Variants in PTER observed in about 807,000 individuals in gnomAD.
PTER encodes the protein N-acetyltaurine hydrolase.
PTER carries 38 observed loss-of-function variants against 29.6 expected under a neutral mutation model. The ratio of observed to expected loss-of-function variants is 1.28; its 90% CI spans 0.99 to 1.68. The LOEUF (loss-of-function observed/expected upper bound fraction) is 1.68, where lower values mean the gene tolerates loss of function less well. Ranked by LOEUF, PTER falls within the 40% of genes most tolerant of loss-of-function variation. The pLI, the probability that PTER is intolerant of heterozygous loss-of-function variation, is 0.00. For synonymous variants in PTER, 172 were observed against 154.5 expected, an observed-to-expected ratio of 1.11 and a Z score of -0.84; for missense variants, 482 against 427.8, an observed-to-expected ratio of 1.13 and a Z score of -1.12.
rs1238543579 is a variant in PTER, at chr10:16,486,509, C to T, written c.590C>T (p.Pro197Leu). The T allele has an allele frequency of 2.5e-6, 4 of 1,614,030 alleles. No individual in the cohort carries two copies. Among genetic ancestry groups the T allele is most frequent in the Non-Finnish European group, 3.4e-6 (4 of 1,179,972 alleles). Residue 197 changes from proline to leucine, a missense_variant, in exon 3 of 5, where the codon CCT becomes CTT. By Grantham distance (98) the Pro-to-Leu change is moderately conservative. Transcript: ENST00000535784. ...TAHAQAQLGC[P>L]VIIHPGRSSR... The stretch of plus-strand genomic sequence containing the variant: ...CATGCCCAGGCTCAGCTTGGTTGTC[C>T]TGTTATTATCCATCCTGGACGGAGC...
Position 16,484,794 on chromosome 10 carries a change from C to T in PTER, c.410C>T (p.Thr137Ile). Reference protein sequence around the residue: ...FYVDATHSSETRAMSVEQLTD... With the variant: ...FYVDATHSSEIRAMSVEQLTD... The stretch of plus-strand genomic sequence containing the variant: ...GTGGATGCAACTCACTCCTCAGAGA[C>T]CAGGGCCATGTCAGTGGAGCAGGTA... The change falls in exon 2 of 5, where the codon ACC becomes ATC. Residue 137 changes from threonine (T) to isoleucine (I), a missense_variant. Physicochemically the swap from Thr to Ile is moderately conservative, Grantham distance 89. Coordinates refer to ENST00000535784, the MANE Select transcript of PTER (RefSeq NM_001261836.2). 2 of 1,607,772 alleles carry T rather than the reference C, an allele frequency of 1.2e-6. No homozygotes were observed. Among genetic ancestry groups the T allele is most frequent in the African/African-American group, 2.7e-5 (2 of 74,616 alleles).
At chr10:16,516,162 T>C (rs1588640526), downstream of PTER, among the ~76,000 whole-genome samples, 7 of 152,296 alleles carry the variant, frequency 4.6e-5, no homozygotes, top group South Asian at 1.5e-3. Flanking sequence ...GGATTTAGAA[T>C]TGCTTAACGC....
At chr10:16,514,181 C>T (rs770778745), downstream of PTER, 1 of 399,000 alleles carries the variant, frequency 2.5e-6, no homozygotes, top group East Asian at 3.6e-5. Flanking sequence ...ATAAAAGCAG[C>T]AAGATCACAG....
chr10:16,493,764 G>C (rs1835991556), intron 3 of PTER, among the ~76,000 whole-genome samples: 1 of 151,968 alleles, frequency 6.6e-6, no homozygotes, highest in Admixed American at 6.6e-5. Flanking sequence ...AAAGGAAACA[G>C]AAAGAAATCC....
chr10:16,517,409 G>A (rs987915982), downstream of PTER, among the ~76,000 whole-genome samples: 2 of 152,106 alleles, frequency 1.3e-5, no homozygotes, highest in African/African-American at 4.8e-5. Context: ...GTACCAACTG[G>A]TCTTTAATTA....
chr10:16,475,448 T>C (rs1169884796), intron 1 of PTER, among the ~76,000 whole-genome samples: 2 of 152,170 alleles, frequency 1.3e-5, no homozygotes, highest in East Asian at 3.8e-4. Flanking sequence ...CTCTTCTCCA[T>C]GTAGGAAGGT....
chr10:16,510,952 C>G (rs1836786255), intron 4 of PTER, 94 bp from the exon 5 acceptor site: 1 of 1,033,716 alleles, frequency 9.7e-7, no homozygotes, highest in Non-Finnish European at 1.5e-6. Flanking sequence ...ATCTTTACGA[C>G]AAGCACAATA....
At chr10:16,472,676 C>T (rs891685087) in intron 1 of PTER, among the ~76,000 whole-genome samples, 6 of 152,158 alleles carry the variant, frequency 3.9e-5, no homozygotes, top group African/African-American at 1.4e-4. Flanking sequence ...TTCTCCCCCA[C>T]CATGTTTTGG....
intron 1 of PTER, among the ~76,000 whole-genome samples, chr10:16,469,822 C>T (rs994147810): frequency 6.6e-6 from 1 of 152,022 alleles, no homozygotes; most frequent in South Asian, 2.1e-4. Flanking sequence ...AAGCAGTCCT[C>T]CTGCCTCAGC....
At chr10:16,484,989 C>A (rs929884686) in intron 2 of PTER, among the ~76,000 whole-genome samples, 173 bp downstream of exon 2, 1 of 151,992 alleles carries the variant, frequency 6.6e-6, no homozygotes, top group Admixed American at 6.6e-5. Context: ...AAAGAAAGTG[C>A]CAATTTTGCA....
intron 1 of PTER, among the ~76,000 whole-genome samples, chr10:16,438,463 T>TG (rs1426362559): frequency 1.9e-5 from 2 of 102,636 alleles, no homozygotes; most frequent in African/African-American, 7.3e-5. Flanking sequence ...TTATTTTCTG[T>TG]TTTTTGTTTT....
At chr10:16,506,960 G>A (rs1216664207) in intron 4 of PTER, among the ~76,000 whole-genome samples, 1 of 151,860 alleles carries the variant, frequency 6.6e-6, no homozygotes, top group African/African-American at 2.4e-5. Flanking sequence ...AAGCAAAACT[G>A]TTTTGCGTTT....
chr10:16,501,150 T>A (rs1422778758), intron 3 of PTER, among the ~76,000 whole-genome samples: 1 of 151,752 alleles, frequency 6.6e-6, no homozygotes. Context: ...AGGCTGGTCT[T>A]GAACTCCTGA....
intron 1 of PTER, among the ~76,000 whole-genome samples, chr10:16,446,408 C>T (rs555023919): frequency 2.0e-5 from 3 of 152,070 alleles, no homozygotes; most frequent in African/African-American, 7.2e-5. Context: ...TTACTAGAGA[C>T]GTGTTTCCAC....
intron 3 of PTER, among the ~76,000 whole-genome samples, chr10:16,492,803 C>G (rs1835947458): frequency 6.6e-6 from 1 of 152,236 alleles, no homozygotes; most frequent in South Asian, 2.1e-4. Flanking sequence ...TAGCGCATCA[C>G]TGTCTTTGAA....
chr10:16,499,359 A>C (rs1463364618), intron 3 of PTER, among the ~76,000 whole-genome samples: 1 of 151,690 alleles, frequency 6.6e-6, no homozygotes, highest in Non-Finnish European at 1.5e-5. Context: ...TGAATTTTGC[A>C]CTCAGTTTGC....
chr10:16,494,588 C>G (rs1269111197), intron 3 of PTER, among the ~76,000 whole-genome samples: 1 of 152,138 alleles, frequency 6.6e-6, no homozygotes, highest in Non-Finnish European at 1.5e-5. Flanking sequence ...TTTGAAATAC[C>G]TACGTATTTG....
At chr10:16,462,711 C>T (rs954733393) in intron 1 of PTER, among the ~76,000 whole-genome samples, 1 of 151,706 alleles carries the variant, frequency 6.6e-6, no homozygotes, top group Non-Finnish European at 1.5e-5. Context: ...GCTGGGATTA[C>T]AAGCATGTAC....
At chr10:16,499,769 G>A (rs1357789577) in intron 3 of PTER, among the ~76,000 whole-genome samples, 1 of 151,186 alleles carries the variant, frequency 6.6e-6, no homozygotes, top group Non-Finnish European at 1.5e-5. Flanking sequence ...TTGCCTTCAC[G>A]TTAATGTTTA....
Sources: gnomAD v4.1 joint callset for allele counts (sites outside exome capture counted in the v4.1 genomes callset) on GRCh38, gnomAD v4.1.1 for gene constraint, MANE v1.5 for transcripts, NCBI Gene and HGNC (gene_info 2026-07-23, HGNC 2026-07-21) for gene names.